Variants in UTY observed in about 807,000 individuals in gnomAD.
UTY encodes ubiquitously transcribed tetratricopeptide repeat containing, Y-linked.
UTY carries 12 observed loss-of-function variants against 32.5 expected under a neutral mutation model. That is an observed-to-expected ratio of 0.37 (90% CI 0.24 to 0.60). UTY has a LOEUF of 0.60. Among genes scored for constraint, UTY ranks in the 20% least tolerant of loss-of-function variants. UTY has a pLI of 0.69. For synonymous variants in UTY, 131 were observed against 103.4 expected, an observed-to-expected ratio of 1.27 and a Z score of -1.62; for missense variants, 303 against 299.2, an observed-to-expected ratio of 1.01 and a Z score of -0.09.
intron 25 of UTY, 30 bp from the exon 26 acceptor site, chrY:13,299,174 G>T (rs1162843466): frequency 3.9e-6 from 1 of 254,861 alleles, no homozygotes. Context: ...AAATCAGGTT[G>T]AAAGGTGTTT....
At chrY:13,356,594 C>T in intron 15 of UTY, among the ~76,000 whole-genome samples, 2 of 28,991 alleles carry the variant, frequency 6.9e-5, no homozygotes, top group Non-Finnish European at 1.6e-4. Context: ...GTCAGGAGAT[C>T]GTGACCATCC....
At chrY:13,265,922 G>A (rs113845809) in intron 27 of UTY, among the ~76,000 whole-genome samples, 3,690 of 33,125 alleles carry the variant, frequency 0.11, no homozygotes, top group Non-Finnish European at 0.19. Flanking sequence ...TCAATACCTC[G>A]TTTACTGGGA....
At chrY:13,254,814 A>G (rs2054552637) in intron 28 of UTY, among the ~76,000 whole-genome samples, 1 of 33,756 alleles carries the variant, frequency 3.0e-5, no homozygotes, top group Admixed American at 2.7e-4. Context: ...AAGCAGAGCC[A>G]GGAGAGCGTA....
intron 21 of UTY, among the ~76,000 whole-genome samples, chrY:13,322,138 T>C: frequency 3.0e-5 from 1 of 33,751 alleles, no homozygotes; most frequent in African/African-American, 1.1e-4. Context: ...AGGTCAATGA[T>C]ATTAACAAAT....
At chrY:13,431,151 T>C in intron 4 of UTY, among the ~76,000 whole-genome samples, 1 of 32,859 alleles carries the variant, frequency 3.0e-5, no homozygotes, top group Non-Finnish European at 7.5e-5. Flanking sequence ...GGAAAACCTG[T>C]AGAAAATAAT....
chrY:13,335,954 T>C lies in UTY; in HGVS notation c.2443A>G (p.Asn815Asp). The change falls in exon 18 of 30, where the codon AAT (asparagine) becomes GAT (aspartate). Residue 815 changes from asparagine (N) to aspartate (D), a missense_variant. By Grantham distance (23) the Asn-to-Asp change is conservative. Coordinates refer to ENST00000545955, the MANE Select transcript of UTY (RefSeq NM_001258249.2). ...TGAGGATTGTCTGCAATTAATAAAT[T>C]TGGTGAATCTCCATGGTTAGGACTG... ...VSSPNHGDSP[N>D]LLIADNPQLS... The C allele has an allele frequency of 2.5e-6, 1 of 399,007 alleles. No homozygotes were observed. The highest frequency in any genetic ancestry group is 9.2e-5 in the East Asian group (1 of 10,862).
chrY:13,460,901 ATG>A, intron 3 of UTY, among the ~76,000 whole-genome samples: 1 of 33,310 alleles, frequency 3.0e-5, no homozygotes, highest in Non-Finnish European at 7.4e-5. Context: ...AGTAATGCAA[ATG>A]TTAGTTTCTA....
intron 27 of UTY, among the ~76,000 whole-genome samples, chrY:13,275,277 T>A: frequency 3.0e-5 from 1 of 33,302 alleles, no homozygotes; most frequent in African/African-American, 1.2e-4. Flanking sequence ...ACTGTAGGAG[T>A]TGAATAAATT....
chrY:13,479,360 G>A (rs751108704), intron 1 of UTY, 43 bp from the exon 2 acceptor site: 1 of 387,815 alleles, frequency 2.6e-6, no homozygotes, highest in African/African-American at 6.5e-5. Context: ...GTCTGAGAAA[G>A]CCAGTGACTT....
At chrY:13,470,367 G>A in intron 2 of UTY, 138 bp from the exon 3 acceptor site, 1 of 120,801 alleles carries the variant, frequency 8.3e-6, no homozygotes, top group African/African-American at 9.7e-5. Context: ...GATTAAATTC[G>A]GCATTTCAGA....
intron 17 of UTY, among the ~76,000 whole-genome samples, chrY:13,352,568 C>T (rs2062498337): frequency 6.0e-5 from 2 of 33,380 alleles, no homozygotes; most frequent in Admixed American, 5.5e-4. Flanking sequence ...CTTGGCCTCC[C>T]ACAGTCTTGT....
intron 28 of UTY, among the ~76,000 whole-genome samples, chrY:13,239,018 G>A: frequency 1.5e-4 from 5 of 33,291 alleles, no homozygotes; most frequent in South Asian, 6.7e-4. Flanking sequence ...AGAACAAGAC[G>A]GTAGTAATTG....
rs1603230224 is a variant in UTY at position 13,251,032 on chromosome Y, A to G, written c.4293T>C (p.Tyr1431=). Residue 1431 remains tyrosine (Y), a synonymous_variant, in exon 29 of 30, where the codon TAT becomes TAC. Coordinates refer to ENST00000545955, the MANE Select transcript of UTY (RefSeq NM_001258249.2). ...QYKMEDLIQV[Y]DQFTLALSLS... ...AATGACTTACTAGTGTAAATTGATC[A>G]TAAACTTGGATTAGGTCCTCCATTT... The G allele has an allele frequency of 5.0e-6, 2 of 396,838 alleles. No homozygotes were observed. Among genetic ancestry groups the G allele is most frequent in the South Asian group, 6.0e-5 (2 of 33,567 alleles).
intron 28 of UTY, among the ~76,000 whole-genome samples, chrY:13,238,070 C>T: frequency 2.9e-5 from 1 of 34,088 alleles, no homozygotes; most frequent in Non-Finnish European, 7.4e-5. Context: ...AATGCTGCCA[C>T]CATTCACCTA....
chrY:13,349,336 G>A, intron 17 of UTY, among the ~76,000 whole-genome samples: 1 of 31,792 alleles, frequency 3.1e-5, no homozygotes, highest in Non-Finnish European at 7.5e-5. Context: ...TGTTTAATGG[G>A]GAATAAAAAG....
At chrY:13,286,510 G>A in intron 27 of UTY, 2 of 208,332 alleles carry the variant, frequency 9.6e-6, no homozygotes, top group South Asian at 9.2e-5. Context: ...TAAGGTAATA[G>A]CTAGGATAGA....
At chrY:13,297,519 C>T in intron 27 of UTY, 188 bp downstream of exon 27, 1 of 283,666 alleles carries the variant, frequency 3.5e-6, no homozygotes, top group Non-Finnish European at 4.8e-6. Context: ...TAAGGGAAGG[C>T]AATATTTTAA....
At chrY:13,234,947 G>C in intron 28 of UTY, 7 of 92,892 alleles carry the variant, frequency 7.5e-5, no homozygotes, top group Non-Finnish European at 1.4e-4. Context: ...CTTGCACTCA[G>C]GAACATGTCT....
chrY:13,402,691 T>A, intron 6 of UTY, among the ~76,000 whole-genome samples: 1 of 33,542 alleles, frequency 3.0e-5, no homozygotes, highest in African/African-American at 1.2e-4. Flanking sequence ...CTAAAAAGAA[T>A]CTCAGGCTAG....
Sources: gnomAD v4.1 joint callset for allele counts (sites outside exome capture counted in the v4.1 genomes callset) on GRCh38, gnomAD v4.1.1 for gene constraint, MANE v1.5 for transcripts, NCBI Gene and HGNC (gene_info 2026-07-23, HGNC 2026-07-21) for gene names.